TRAPPC9: variants seen among roughly 807,000 people sequenced by gnomAD.
TRAPPC9 encodes the protein trafficking protein particle complex subunit 9, also known as IKK2 binding protein.
TRAPPC9 carries 83 observed loss-of-function variants against 124.0 expected under a neutral mutation model. The observed-to-expected ratio is 0.67, with a 90% CI of 0.56 to 0.80. The LOEUF is 0.80. Ranked by LOEUF, TRAPPC9 falls within the 30% of genes least tolerant of loss-of-function variation. The probability of loss-of-function intolerance (pLI) is 0.00; values close to 1 mark genes in which losing one functional copy is unlikely to be tolerated. For missense variants in TRAPPC9, 1,302 were observed against 1,508.3 expected (o/e 0.86, Z 2.27); for synonymous variants, 638 against 617.5 (o/e 1.03, Z -0.49).
chr8:139,763,742 C>T (rs151194340), intron 21 of TRAPPC9, among the ~76,000 whole-genome samples: 2,094 of 152,298 alleles, frequency 0.014, 30 homozygotes, highest in Non-Finnish European at 0.023. Context: ...CTGGAGGCTG[C>T]CACGTGGGTC....
At chr8:139,741,302 G>A (rs1022762138) in intron 21 of TRAPPC9, among the ~76,000 whole-genome samples, 14 of 152,196 alleles carry the variant, frequency 9.2e-5, no homozygotes, top group Admixed American at 2.6e-4. Flanking sequence ...AGGGCTCAGC[G>A]CTCTGTAGGT....
intron 17 of TRAPPC9, among the ~76,000 whole-genome samples, chr8:140,195,762 G>A (rs1235880503): frequency 5.6e-4 from 77 of 136,714 alleles, no homozygotes; most frequent in South Asian, 1.5e-3. Flanking sequence ...TGTACAGCTC[G>A]CACCTGTGAC....
chr8:140,129,111 G>A (rs1044825491), intron 17 of TRAPPC9, among the ~76,000 whole-genome samples: 8 of 151,746 alleles, frequency 5.3e-5, no homozygotes, highest in South Asian at 2.1e-4. Context: ...CTTTCTAAGC[G>A]TCCAGTCACC....
intron 20 of TRAPPC9, among the ~76,000 whole-genome samples, chr8:139,901,566 G>T (rs1399752984): frequency 6.6e-6 from 1 of 152,196 alleles, no homozygotes; most frequent in Admixed American, 6.5e-5. Context: ...ATCTTGCCTG[G>T]GTGAGAATAT....
rs191258236 is a variant in TRAPPC9 at position 140,432,013 on chromosome 8, C to T, written c.859+3099G>A. Among the ~76,000 whole-genome samples, 237 of 152,212 alleles carry T rather than the reference C, an allele frequency of 1.6e-3. 1 individual carries two copies. Among genetic ancestry groups the T allele is most frequent in the African/African-American group, 5.4e-3 (226 of 41,512 alleles). On this transcript the variant is annotated intron_variant, in intron 4 of 22. Transcript: ENST00000438773. ...TGACATAATAAAAATAACTAGAATA[C>T]TTTTCCAGGTATCCAAATATAATGG...
At chr8:140,443,698 C>G (rs1311931237) in intron 2 of TRAPPC9, among the ~76,000 whole-genome samples, 2 of 152,106 alleles carry the variant, frequency 1.3e-5, no homozygotes, top group East Asian at 1.9e-4. Context: ...GCCAGGAGTT[C>G]GAGAACAGCC....
At chr8:140,039,687 C>T (rs979822561) in intron 17 of TRAPPC9, 2 of 152,222 alleles carry the variant, frequency 1.3e-5, no homozygotes, top group Non-Finnish European at 2.9e-5. Context: ...GCTGGAAGCT[C>T]TCCAGCCCAC....
At chr8:140,076,364 C>T (rs1241305679) in intron 17 of TRAPPC9, among the ~76,000 whole-genome samples, 3 of 152,306 alleles carry the variant, frequency 2.0e-5, no homozygotes, top group South Asian at 2.1e-4. Flanking sequence ...GTGACACCAC[C>T]GTGAGAGCTG....
At chr8:140,015,116 T>A (rs955609060) in intron 18 of TRAPPC9, among the ~76,000 whole-genome samples, 3 of 152,232 alleles carry the variant, frequency 2.0e-5, no homozygotes, top group African/African-American at 7.2e-5. Flanking sequence ...TCCTTTGACA[T>A]ATATTTGGCT....
intron 21 of TRAPPC9, among the ~76,000 whole-genome samples, chr8:139,842,478 G>A (rs915696389): frequency 3.3e-5 from 5 of 152,246 alleles, no homozygotes; most frequent in Admixed American, 1.3e-4. Flanking sequence ...TACTGGCTTC[G>A]ATCGCACAGA....
At chr8:140,141,845 T>G (rs1316435696) in intron 17 of TRAPPC9, among the ~76,000 whole-genome samples, 1 of 152,182 alleles carries the variant, frequency 6.6e-6, no homozygotes, top group Non-Finnish European at 1.5e-5. Flanking sequence ...AGGGGGAACC[T>G]TGACCAATAT....
At chr8:140,174,869 T>C (rs2062031888) in intron 17 of TRAPPC9, among the ~76,000 whole-genome samples, 1 of 152,244 alleles carries the variant, frequency 6.6e-6, no homozygotes, top group Admixed American at 6.5e-5. Context: ...AATACTGCTA[T>C]GAACATTGTG....
Position 140,405,636 on chromosome 8 carries a change from A to T in TRAPPC9, c.949T>A (p.Cys317Ser), listed in dbSNP as rs2069463579. 16 of 1,613,678 alleles carry T rather than the reference A, an allele frequency of 9.9e-6. No homozygotes were observed. The highest frequency in any genetic ancestry group is 1.4e-5 in the Non-Finnish European group (16 of 1,179,664). Residue 317 changes from cysteine (C) to serine (S), a missense_variant, in exon 6 of 23, where the codon TGC (cysteine) becomes AGC (serine). Transcript: ENST00000438773. ...TCAATTATGTCTTCAGGGCTAAGGC[A>T]GTTCTTAGCACGTCCGATCTCAGTA... ...TSTEIGRAKN[C>S]LSPEDIIDKY...
At chr8:140,232,062 C>T (rs1484756013) in intron 16 of TRAPPC9, among the ~76,000 whole-genome samples, 1 of 151,984 alleles carries the variant, frequency 6.6e-6, no homozygotes, top group Non-Finnish European at 1.5e-5. Flanking sequence ...GCGTGAGCCA[C>T]TGTGCCCAGC....
chr8:140,239,629 G>A (rs117625731), intron 16 of TRAPPC9, among the ~76,000 whole-genome samples: 17 of 152,244 alleles, frequency 1.1e-4, no homozygotes, highest in Non-Finnish European at 1.3e-4. Context: ...CGTGGGAGGC[G>A]CCTGGACACC....
intron 19 of TRAPPC9, among the ~76,000 whole-genome samples, chr8:139,939,047 G>A (rs1390297831): frequency 6.6e-6 from 1 of 152,218 alleles, no homozygotes; most frequent in African/African-American, 2.4e-5. Flanking sequence ...TTGACAGACA[G>A]GAGGGAATGC....
At chr8:140,268,841 T>C (rs2064779351) in intron 15 of TRAPPC9, among the ~76,000 whole-genome samples, 1 of 152,100 alleles carries the variant, frequency 6.6e-6, no homozygotes, top group Admixed American at 6.5e-5. Flanking sequence ...AAGACGACCA[T>C]GTTGACGGTC....
chr8:140,060,517 G>T (rs1842539592), intron 17 of TRAPPC9, among the ~76,000 whole-genome samples: 1 of 152,054 alleles, frequency 6.6e-6, no homozygotes, highest in Non-Finnish European at 1.5e-5. Flanking sequence ...ACTGAGCAAA[G>T]CTGCCATTCT....
rs1162283649 is a variant in TRAPPC9 at position 140,233,617 on chromosome 8, T to A, written c.2432-12034A>T. On this transcript the variant is annotated intron_variant, in intron 16 of 22. Coordinates refer to ENST00000438773, the MANE Select transcript of TRAPPC9 (RefSeq NM_001160372.4). ...CTCTCTCCCTCCCTCCCTCCCTCTC[T>A]CCCCACCACACACACACACACACAC... Among the ~76,000 whole-genome samples the A allele has an allele frequency of 2.3e-4, 7 of 30,336 alleles. No homozygotes were observed. The Admixed American group carries it at 2.8e-3, about 12-fold the overall frequency. The allele number at this position is 30,336 out of a possible 152,430, so 19.9% of individuals were successfully genotyped here. A position where few individuals can be genotyped will look rare whatever the true frequency, so the allele number is the denominator to read the frequency against.
Sources: allele counts gnomAD v4.1 joint callset (sites outside exome capture counted in the v4.1 genomes callset), GRCh38; gene constraint gnomAD v4.1.1; transcripts MANE v1.5; gene names NCBI Gene and HGNC (gene_info 2026-07-23, HGNC 2026-07-21).